Variants in NSUN6 observed in about 807,000 individuals in gnomAD.
NSUN6 encodes the protein tRNA (cytosine(72)-C(5))-methyltransferase NSUN6.
A neutral mutation model predicts 58.0 loss-of-function variants in NSUN6; 64 were observed. The observed-to-expected ratio is 1.10, with a 90% CI of 0.90 to 1.36. The LOEUF is 1.36. Ranked by LOEUF, NSUN6 falls within the 40% of genes most tolerant of loss-of-function variation. The pLI, the probability that NSUN6 is intolerant of heterozygous loss-of-function variation, is 0.00. For missense variants in NSUN6, 701 were observed against 550.1 expected, an observed-to-expected ratio of 1.27 and a Z score of -2.74; for synonymous variants, 231 against 193.9, an observed-to-expected ratio of 1.19 and a Z score of -1.59.
intron 3 of NSUN6, among the ~76,000 whole-genome samples, chr10:18,622,713 G>C (rs1447378374): frequency 1.3e-5 from 2 of 152,114 alleles, no homozygotes; most frequent in Non-Finnish European, 2.9e-5. Flanking sequence ...CCGCCTTGGG[G>C]GGAAAAAGAT....
At chr10:18,557,413 G>T (rs1312696089) in intron 8 of NSUN6, among the ~76,000 whole-genome samples, 1 of 150,808 alleles carries the variant, frequency 6.6e-6, no homozygotes, top group Non-Finnish European at 1.5e-5. Flanking sequence ...GAATGGAATG[G>T]AGAATGGAAT....
At chr10:18,643,563 A>G (rs1383972551) in intron 2 of NSUN6, among the ~76,000 whole-genome samples, 1 of 152,186 alleles carries the variant, frequency 6.6e-6, no homozygotes, top group Non-Finnish European at 1.5e-5. Context: ...AAAACTTCAT[A>G]TCTACCAAGT....
chr10:18,546,702 A>C (rs2054284381), intron 10 of NSUN6, among the ~76,000 whole-genome samples: 1 of 152,078 alleles, frequency 6.6e-6, no homozygotes, highest in Admixed American at 6.6e-5. Context: ...ACAAGGTGAC[A>C]CCCTGTCTCT....
intron 6 of NSUN6, among the ~76,000 whole-genome samples, chr10:18,607,738 G>T: frequency 6.6e-6 from 1 of 152,322 alleles, no homozygotes; most frequent in Admixed American, 6.5e-5. Flanking sequence ...TTGGCATGGG[G>T]CCAAGAATAC....
At chr10:18,640,779 G>T (rs1249404486) in intron 3 of NSUN6, among the ~76,000 whole-genome samples, 2 of 149,344 alleles carry the variant, frequency 1.3e-5, no homozygotes, top group African/African-American at 4.9e-5. Flanking sequence ...CTGAATACAA[G>T]ATGAAAAACT....
chr10:18,582,753 C>T (rs577436738), intron 8 of NSUN6, among the ~76,000 whole-genome samples: 8 of 152,158 alleles, frequency 5.3e-5, no homozygotes, highest in Non-Finnish European at 8.8e-5. Flanking sequence ...GTGAGCCCTG[C>T]GAAAACTAAA....
upstream of NSUN6, chr10:18,652,910 C>T (rs949572960): frequency 1.1e-5 from 11 of 984,996 alleles, no homozygotes; most frequent in African/African-American, 1.7e-5. Flanking sequence ...TGAAACAACT[C>T]TCCATGTTCT....
chr10:18,570,653 C>G (rs990704403), intron 8 of NSUN6, among the ~76,000 whole-genome samples: 10 of 146,196 alleles, frequency 6.8e-5, no homozygotes, highest in Admixed American at 6.9e-5. Context: ...TACCATCATC[C>G]ATTCCATTCC....
intron 3 of NSUN6, among the ~76,000 whole-genome samples, chr10:18,628,168 A>G (rs988924061): frequency 1.9e-4 from 29 of 152,290 alleles, no homozygotes; most frequent in Admixed American, 3.9e-4. Flanking sequence ...ACGGTCAGGT[A>G]CTCCAACAGA....
In NSUN6 at chr10:18,651,409, A is replaced by C. The variant is rs1590210728; in HGVS notation, c.-206T>G. ...TAGAAGGGGCTGCCGGGCTTCCACCACACCTCATCGAGGCAATGTTTTCTG... is the reference window on the plus strand; with the variant it reads ...TAGAAGGGGCTGCCGGGCTTCCACCCCACCTCATCGAGGCAATGTTTTCTG... On this transcript the variant is annotated 5_prime_UTR_variant, in exon 1 of 11. Coordinates refer to ENST00000377304, the MANE Select transcript of NSUN6 (RefSeq NM_182543.5). 7.9e-7 allele frequency: 1 copy of C among 1,266,650 alleles called. No homozygotes were observed. The allele number at this position is 1,266,650 out of a possible 1,614,324, so 78.5% of individuals were successfully genotyped here.
At chr10:18,580,009 G>C (rs1376821992) in intron 8 of NSUN6, among the ~76,000 whole-genome samples, 1 of 152,036 alleles carries the variant, frequency 6.6e-6, no homozygotes, top group Admixed American at 6.6e-5. Flanking sequence ...TTTCGCACCT[G>C]TAACTACACC....
rs548218444 is a variant in NSUN6, at chr10:18,586,545, G to A, written c.778-452C>T. Among the ~76,000 whole-genome samples, 7 of 151,192 alleles carry A rather than the reference G, an allele frequency of 4.6e-5. No homozygotes were observed. In the South Asian group the frequency reaches 8.4e-4, roughly 18 times the overall value. Reference sequence around the variant, plus strand: ...GTCTTGCTGACTTGGGGAGTGAAGCGGCAGACCTTCGCAGTGAGTGTTATA... The same window carrying A: ...GTCTTGCTGACTTGGGGAGTGAAGCAGCAGACCTTCGCAGTGAGTGTTATA... On this transcript the variant is annotated intron_variant, in intron 7 of 10. Coordinates refer to ENST00000377304, the MANE Select transcript of NSUN6 (RefSeq NM_182543.5).
intron 6 of NSUN6, among the ~76,000 whole-genome samples, chr10:18,600,904 A>T (rs1192022905): frequency 3.7e-5 from 5 of 134,194 alleles, no homozygotes; most frequent in African/African-American, 1.1e-4. Context: ...CTCCAGCCTG[A>T]GTGAAAGAGC....
At chr10:18,559,611 A>AATGGT (rs2055326792) in intron 8 of NSUN6, among the ~76,000 whole-genome samples, 1 of 151,260 alleles carries the variant, frequency 6.6e-6, no homozygotes, top group African/African-American at 2.4e-5. Flanking sequence ...AATGGAATGG[A>AATGGT]ATGCGGAATG....
Position 18,557,402 on chromosome 10 carries a change from G to GGAATGGAATGGA in NSUN6, c.923-5443_923-5432dup, listed in dbSNP as rs2055113339. ...TGGAGAGTGGAATGGAAGGGAGCAT[G>GGAATGGAATGGA]GAATGGAATGGAGAATGGAATGGAA... On this transcript the variant is annotated intron_variant, in intron 8 of 10. Transcript: ENST00000377304. Among the ~76,000 whole-genome samples the GGAATGGAATGGA allele has an allele frequency of 2.0e-5, 3 of 149,758 alleles. No homozygotes were observed. In the South Asian group the frequency reaches 6.4e-4, roughly 32 times the overall value.
intron 3 of NSUN6, among the ~76,000 whole-genome samples, chr10:18,633,134 T>C (rs2059095673): frequency 6.6e-6 from 1 of 151,954 alleles, no homozygotes; most frequent in Admixed American, 6.6e-5. Flanking sequence ...GAAATCATCA[T>C]TCTCAGTAAA....
At chr10:18,600,931 A>AAAC (rs1436905535) in intron 6 of NSUN6, among the ~76,000 whole-genome samples, 1 of 37,302 alleles carries the variant, frequency 2.7e-5, no homozygotes, top group East Asian at 3.6e-3. Context: ...CCATCTCAAA[A>AAAC]AAAAAAAAAA....
intron 8 of NSUN6, among the ~76,000 whole-genome samples, chr10:18,584,384 A>T (rs1161000106): frequency 6.6e-6 from 1 of 152,220 alleles, no homozygotes; most frequent in Non-Finnish European, 1.5e-5. Flanking sequence ...TCCCTAAGCT[A>T]GCTTTGGAAG....
chr10:18,651,102 A>G (rs1208566340), intron 1 of NSUN6, 27 bp downstream of exon 1: 5 of 1,570,464 alleles, frequency 3.2e-6, no homozygotes, highest in South Asian at 1.2e-5. Context: ...TTTGCAAAAT[A>G]TCAACTAACA....
Sources: gnomAD v4.1 joint callset for allele counts (sites outside exome capture counted in the v4.1 genomes callset) on GRCh38, gnomAD v4.1.1 for gene constraint, MANE v1.5 for transcripts, NCBI Gene and HGNC (gene_info 2026-07-23, HGNC 2026-07-21) for gene names.